Variants in INPP5F observed in about 807,000 individuals in gnomAD.
INPP5F encodes the protein phosphatidylinositide 4-phosphatase SAC2.
A neutral mutation model predicts 137.2 loss-of-function variants in INPP5F; 97 were observed. The ratio of observed to expected loss-of-function variants is 0.71; its 90% CI spans 0.60 to 0.84. The LOEUF (loss-of-function observed/expected upper bound fraction) is 0.84, where lower values mean the gene tolerates loss of function less well. Ranked by LOEUF, INPP5F falls within the 40% of genes least tolerant of loss-of-function variation. INPP5F has a pLI of 0.00. For missense variants in INPP5F, 1,271 were observed against 1,371.9 expected (o/e 0.93, Z 1.16); for synonymous variants, 504 against 476.9 (o/e 1.06, Z -0.74).
In INPP5F at chr10:119,754,401, ATATG is replaced by A. The variant is rs1308498968; in HGVS notation, c.178+3248_178+3251del. ...TGGTCATCTGTGGTCAGCCCCCTTTATATGTACTTCTCCTCCTTGCCATTCTTTG... is the reference window on the plus strand; with the variant it reads ...TGGTCATCTGTGGTCAGCCCCCTTTATACTTCTCCTCCTTGCCATTCTTTG... On this transcript the variant is annotated intron_variant, in intron 2 of 19. Transcript: ENST00000650623. Among the ~76,000 whole-genome samples the A allele has an allele frequency of 2.9e-5, 4 of 140,094 alleles. No homozygotes were observed. In the South Asian group the frequency reaches 1.3e-3, roughly 47 times the overall value. The allele number at this position is 140,094 out of a possible 152,430, so 91.9% of individuals were successfully genotyped here. A position where few individuals can be genotyped will look rare whatever the true frequency, so the allele number is the denominator to read the frequency against.
At chr10:119,777,621 T>C (rs752339061) in intron 2 of INPP5F, among the ~76,000 whole-genome samples, 5 of 152,226 alleles carry the variant, frequency 3.3e-5, no homozygotes, top group Non-Finnish European at 2.9e-5. Context: ...ACAAAATTTA[T>C]TGACATTGAA....
chr10:119,741,814 C>T (rs1848383724), intron 1 of INPP5F, among the ~76,000 whole-genome samples: 1 of 152,030 alleles, frequency 6.6e-6, no homozygotes, highest in African/African-American at 2.4e-5. Context: ...GGATTACAGG[C>T]GTGAGCCACC....
chr10:119,755,956 G>C (rs1848828877), intron 2 of INPP5F, among the ~76,000 whole-genome samples: 1 of 152,112 alleles, frequency 6.6e-6, no homozygotes. Flanking sequence ...AGGAGTTCGA[G>C]GCCAGCCTGA....
At chr10:119,767,132 A>G (rs1161004731) in intron 2 of INPP5F, among the ~76,000 whole-genome samples, 1 of 149,152 alleles carries the variant, frequency 6.7e-6, no homozygotes, top group Non-Finnish European at 1.5e-5. Flanking sequence ...AAAAAAAAAA[A>G]ACCTAGAGAG....
chr10:119,775,888 A>G (rs1849507804), intron 2 of INPP5F, among the ~76,000 whole-genome samples: 1 of 152,204 alleles, frequency 6.6e-6, no homozygotes, highest in Admixed American at 6.5e-5. Flanking sequence ...TTGGAAATGG[A>G]ATCTGTTAGC....
At chr10:119,749,320 G>A (rs1487257355) in intron 1 of INPP5F, among the ~76,000 whole-genome samples, 1 of 152,238 alleles carries the variant, frequency 6.6e-6, no homozygotes, top group East Asian at 1.9e-4. Context: ...CTCCATGGAG[G>A]GCGCAGCCCT....
chr10:119,778,167 C>T (rs904931854), intron 2 of INPP5F, among the ~76,000 whole-genome samples: 143 of 151,936 alleles, frequency 9.4e-4, no homozygotes, highest in African/African-American at 3.2e-3. Context: ...CCACCATGCC[C>T]GGCTAATTTT....
At chr10:119,753,091 A>G (rs1023043488) in intron 2 of INPP5F, among the ~76,000 whole-genome samples, 3 of 152,224 alleles carry the variant, frequency 2.0e-5, no homozygotes, top group Admixed American at 2.0e-4. Context: ...AAGTATTTTA[A>G]TAACAGTCTC....
rs1564860063 is a variant in INPP5F, at chr10:119,827,490, C to G, written c.3109C>G (p.Gln1037Glu). The change falls in exon 20 of 20, where the codon CAA becomes GAA. Residue 1037 changes from glutamine to glutamate, a missense_variant. Physicochemically the swap from Gln to Glu is conservative, Grantham distance 29 (BLOSUM62 2). Transcript: ENST00000650623. ...SVEPAHSVAS[Q>E]KTPTSASSML... is the part of the protein sequence containing the mutation. ...TGAGCCAGCGCATTCAGTTGCATCTCAAAAAACCCCCACCTCCGCTTCCAG... is the reference window on the plus strand; with the variant it reads ...TGAGCCAGCGCATTCAGTTGCATCTGAAAAAACCCCCACCTCCGCTTCCAG... 8 of 1,614,172 alleles carry G rather than the reference C, an allele frequency of 5.0e-6. No homozygotes were observed. Among genetic ancestry groups the G allele is most frequent in the East Asian group, 2.2e-5 (1 of 44,886 alleles).
chr10:119,823,963 A>C (rs1486591481), intron 19 of INPP5F, 61 bp downstream of exon 19: 21 of 1,293,296 alleles, frequency 1.6e-5, no homozygotes, highest in African/African-American at 2.9e-5. Context: ...ATTTGTTTAA[A>C]ATTATTTGCA....
chr10:119,730,528 A>G (rs1848026245), intron 1 of INPP5F, among the ~76,000 whole-genome samples: 1 of 152,240 alleles, frequency 6.6e-6, no homozygotes, highest in Admixed American at 6.5e-5. Context: ...TCAAAAAGAA[A>G]TATAATACAA....
chr10:119,761,656 T>C (rs1849014348), intron 2 of INPP5F, among the ~76,000 whole-genome samples: 1 of 152,170 alleles, frequency 6.6e-6, no homozygotes, highest in African/African-American at 2.4e-5. Context: ...AATTCATATT[T>C]TTAGTTGAAA....
At chr10:119,776,406 A>AG (rs34498643) in intron 2 of INPP5F, among the ~76,000 whole-genome samples, 6,522 of 152,194 alleles carry the variant, frequency 0.043, 243 homozygotes, top group South Asian at 0.22. Flanking sequence ...TGGCAATACC[A>AG]TGTTTTTGTG....
Position 119,823,070 on chromosome 10 carries a change from G to C in INPP5F, c.2033-1G>C. On this transcript the variant is annotated splice_acceptor_variant, in intron 17 of 19. Coordinates refer to ENST00000650623, the MANE Select transcript of INPP5F (RefSeq NM_014937.4). LOFTEE classifies it high-confidence loss of function. The stretch of plus-strand genomic sequence containing the variant: ...TTATACGTATTCATTTGGGATTTTA[G>C]GCCCTGAACCCACTCTTTTTGGTAA... 1 of 1,606,902 alleles carries C rather than the reference G, an allele frequency of 6.2e-7. No homozygotes were observed. The highest frequency in any genetic ancestry group is 8.5e-7 in the Non-Finnish European group (1 of 1,177,734).
At chr10:119,808,746 A>G (rs1388611992) in intron 13 of INPP5F, among the ~76,000 whole-genome samples, 2 of 152,236 alleles carry the variant, frequency 1.3e-5, no homozygotes, top group Non-Finnish European at 2.9e-5. Flanking sequence ...CCTCTGTGGC[A>G]GTAGGAAGTG....
At chr10:119,731,111 G>C (rs1451143156) in intron 1 of INPP5F, among the ~76,000 whole-genome samples, 1 of 151,888 alleles carries the variant, frequency 6.6e-6, no homozygotes, top group Non-Finnish European at 1.5e-5. Context: ...AGGGATACTA[G>C]GTATTAGTTA....
chr10:119,745,829 T>G (rs1848515538), intron 1 of INPP5F, among the ~76,000 whole-genome samples: 1 of 150,742 alleles, frequency 6.6e-6, no homozygotes, highest in Non-Finnish European at 1.5e-5. Flanking sequence ...CTTAGCCTCC[T>G]GAGTAGCTGG....
intron 16 of INPP5F, among the ~76,000 whole-genome samples, chr10:119,821,860 G>A (rs989434992): frequency 3.8e-5 from 5 of 131,690 alleles, no homozygotes; most frequent in African/African-American, 1.4e-4. Flanking sequence ...TAACCTTGTA[G>A]TTGCTTTTTT....
intron 15 of INPP5F, chr10:119,819,421 C>T: frequency 6.8e-7 from 1 of 1,473,522 alleles, no homozygotes; most frequent in Non-Finnish European, 9.1e-7. Flanking sequence ...AATATTAATG[C>T]CAAAATAGGA....
Sources: gnomAD v4.1 joint callset for allele counts (sites outside exome capture counted in the v4.1 genomes callset) on GRCh38, gnomAD v4.1.1 for gene constraint, MANE v1.5 for transcripts, NCBI Gene and HGNC (gene_info 2026-07-23, HGNC 2026-07-21) for gene names.